The following ACOX2 variants were observed in gnomAD, a reference collection of about 807,000 sequenced individuals.
The protein encoded by ACOX2 is acyl-CoA oxidase 2.
In ACOX2, 59 loss-of-function variants were observed where a neutral mutation model predicts 77.5. That is an observed-to-expected ratio of 0.76 (90% CI 0.62 to 0.95). The LOEUF (loss-of-function observed/expected upper bound fraction) is 0.95. Ranked by LOEUF, ACOX2 falls within the 40% of genes least tolerant of loss-of-function variation. The probability of loss-of-function intolerance (pLI) is 0.00; values close to 1 mark genes in which losing one functional copy is unlikely to be tolerated. For missense variants in ACOX2, 837 were observed against 880.4 expected (o/e 0.95, Z 0.62); for synonymous variants, 317 against 340.1 (o/e 0.93, Z 0.75).
rs904203610 is a variant in ACOX2 at position 58,514,718 on chromosome 3, T to C, written c.1850+2488A>G. Among the ~76,000 whole-genome samples the C allele has an allele frequency of 2.6e-5, 4 of 152,208 alleles. No homozygotes were observed. Among genetic ancestry groups the C allele is most frequent in the African/African-American group, 9.7e-5 (4 of 41,448 alleles). On this transcript the variant is annotated intron_variant, in intron 13 of 14. Coordinates refer to ENST00000302819, the MANE Select transcript of ACOX2 (RefSeq NM_003500.4). This position sits in a 1 kb window ranked among gnomAD's most constrained non-coding sequence, Gnocchi z 4.3. ...TGTCTGTCTTGTCTTGAATTGTAAG[T>C]TTCTGGAGCCAAGGCAAGCACTTAG...
At position 58,535,152 on chromosome 3, in the gene ACOX2, C is replaced by T. The variant is rs376595956; in HGVS notation, c.-46G>A. 3.1e-5 allele frequency: 50 copies of T among 1,612,144 alleles called. No homozygotes were observed. Among genetic ancestry groups the T allele is most frequent in the East Asian group, 2.5e-4 (11 of 44,880 alleles). ...TGACTATGGAGAGACACTTCCAACC[C>T]GGCTGCTCCGAGGGTCTGCTCTCAG... On this transcript the variant is annotated 5_prime_UTR_variant, in exon 2 of 15. Coordinates refer to ENST00000302819, the MANE Select transcript of ACOX2 (RefSeq NM_003500.4). The surrounding 1 kb of genome is among the most constrained non-coding windows in gnomAD (Gnocchi z 4.8).
At chr3:58,530,731 C>T in intron 7 of ACOX2, 93 bp from the exon 8 acceptor site, 1 of 1,393,656 alleles carries the variant, frequency 7.2e-7, no homozygotes, top group Non-Finnish European at 9.8e-7. Context: ...ACATGGAGGG[C>T]ACCTCGCCCC....
chr3:58,534,345 T>C lies in ACOX2; in HGVS notation c.323+15A>G. On this transcript the variant is annotated intron_variant, in intron 3 of 14. Coordinates refer to ENST00000302819, the MANE Select transcript of ACOX2 (RefSeq NM_003500.4). The surrounding 1 kb of genome is among the most constrained non-coding windows in gnomAD (Gnocchi z 4.8). Reference sequence around the variant, plus strand: ...GTAGATCCCTCTCTAGTGGGGCTGCTCGAGGAGTGAGCACCTGTAAGCGTA... The same window carrying C: ...GTAGATCCCTCTCTAGTGGGGCTGCCCGAGGAGTGAGCACCTGTAAGCGTA... 1 of 1,613,938 alleles carries C rather than the reference T, an allele frequency of 6.2e-7. No individual in the cohort carries two copies. The highest frequency in any genetic ancestry group is 8.5e-7 in the Non-Finnish European group (1 of 1,179,888).
rs747061287 is a variant in ACOX2 at position 58,531,246 on chromosome 3, G to A, written c.819+5C>T. On this transcript the variant is annotated splice_donor_5th_base_variant and intron_variant, in intron 7 of 14. Coordinates refer to ENST00000302819, the MANE Select transcript of ACOX2 (RefSeq NM_003500.4). This position sits in a 1 kb window ranked among gnomAD's most constrained non-coding sequence, Gnocchi z 5.8. ...ACAAGTCCCCGGCCTCCCCAGATCT[G>A]TAACCTGTGCAAAGCGACTCAGCAT... 4.3e-6 allele frequency: 7 copies of A among 1,611,488 alleles called. No homozygotes were observed. The African/African-American group carries it at 6.7e-5, about 15-fold the overall frequency.
rs1305847137 is a variant in ACOX2, at chr3:58,528,331, GA to G, written c.1155+462del. On this transcript the variant is annotated intron_variant, in intron 9 of 14. Coordinates refer to ENST00000302819, the MANE Select transcript of ACOX2 (RefSeq NM_003500.4). This position sits in a 1 kb window ranked among gnomAD's most constrained non-coding sequence, Gnocchi z 5.6. The stretch of plus-strand genomic sequence containing the variant: ...GAATCAGAGTAACTTTTGGATTATA[GA>G]GAGGCCAAGTGGCATTTAAAGTGCA... 6.6e-6 allele frequency among the ~76,000 whole-genome samples: 1 copy of G among 152,212 alleles called. No individual in the cohort carries two copies. The highest frequency in any genetic ancestry group is 2.4e-5 in the African/African-American group (1 of 41,438).
chr3:58,533,714 G>A lies in ACOX2; in HGVS notation c.476-162C>T, dbSNP rs2063457401. 5 of 704,032 alleles carry A rather than the reference G, an allele frequency of 7.1e-6. No homozygotes were observed. Among genetic ancestry groups the A allele is most frequent in the Non-Finnish European group, 1.2e-5 (5 of 418,356 alleles). 43.6% of individuals were successfully genotyped at this position (704,032 alleles called of 1,614,324 possible). A position where few individuals can be genotyped will look rare whatever the true frequency, so the allele number is the denominator to read the frequency against. On this transcript the variant is annotated intron_variant, in intron 4 of 14. Coordinates refer to ENST00000302819, the MANE Select transcript of ACOX2 (RefSeq NM_003500.4). The surrounding 1 kb of genome is among the most constrained non-coding windows in gnomAD (Gnocchi z 5.6). ...AGTTCTCCCCTTTCATCTGTGGGCT[G>A]TGTGTGGGACACACAGTCCCCTATA...
rs950104499 is a variant in ACOX2, at chr3:58,515,284, G to A, written c.1850+1922C>T. Among the ~76,000 whole-genome samples, 3 of 152,202 alleles carry A rather than the reference G, an allele frequency of 2.0e-5. No homozygotes were observed. On this transcript the variant is annotated intron_variant, in intron 13 of 14. Transcript: ENST00000302819. This position sits in a 1 kb window ranked among gnomAD's most constrained non-coding sequence, Gnocchi z 4.0. Reference sequence around the variant, plus strand: ...GATCCACCCACCTTGGCCTCCCAAAGTGCTGGGATTGCAGGTATTAGCCAC... The same window carrying A: ...GATCCACCCACCTTGGCCTCCCAAAATGCTGGGATTGCAGGTATTAGCCAC...
At chr3:58,529,744 G>A (rs1176961560) in intron 8 of ACOX2, among the ~76,000 whole-genome samples, 1 of 152,212 alleles carries the variant, frequency 6.6e-6, no homozygotes, top group Non-Finnish European at 1.5e-5. Flanking sequence ...AGGACCCTGG[G>A]CTGAGGACTT....
intron 12 of ACOX2, among the ~76,000 whole-genome samples, chr3:58,520,969 C>T (rs1328268739): frequency 3.3e-5 from 5 of 152,210 alleles, no homozygotes; most frequent in South Asian, 2.1e-4. Flanking sequence ...TAATGTCAGT[C>T]TCCCTCCCAG....
chr3:58,512,336 A>T lies in ACOX2; in HGVS notation c.1851-3311T>A, dbSNP rs926872463. Among the ~76,000 whole-genome samples, 1 of 152,164 alleles carries T rather than the reference A, an allele frequency of 6.6e-6. No homozygotes were observed. The highest frequency in any genetic ancestry group is 1.5e-5 in the Non-Finnish European group (1 of 68,020). ...CACCTCCAGCACTGTCACTGCTCCA[A>T]TCCACTATCATCACTCACTTGGATG... On this transcript the variant is annotated intron_variant, in intron 13 of 14. Transcript: ENST00000302819. The surrounding 1 kb of genome is among the most constrained non-coding windows in gnomAD (Gnocchi z 4.8).
chr3:58,533,859 C>A lies in ACOX2; in HGVS notation c.475+135G>T. Reference sequence around the variant, plus strand: ...ACCCCTTCCTCAGGACCCTTGACTGCCAGCTGCTGGAATGTTTTCTTATTA... The same window carrying A: ...ACCCCTTCCTCAGGACCCTTGACTGACAGCTGCTGGAATGTTTTCTTATTA... On this transcript the variant is annotated intron_variant, in intron 4 of 14. Transcript: ENST00000302819. The surrounding 1 kb of genome is among the most constrained non-coding windows in gnomAD (Gnocchi z 5.6). 8.2e-7 allele frequency: 1 copy of A among 1,213,422 alleles called. No individual in the cohort carries two copies. The allele number at this position is 1,213,422 out of a possible 1,614,324, so 75.2% of individuals were successfully genotyped here.
chr3:58,531,109 T>C lies in ACOX2; in HGVS notation c.819+142A>G. The C allele has an allele frequency of 1.4e-6, 1 of 699,024 alleles. No individual in the cohort carries two copies. The highest frequency in any genetic ancestry group is 2.4e-6 in the Non-Finnish European group (1 of 414,200). The allele number at this position is 699,024 out of a possible 1,614,324, so 43.3% of individuals were successfully genotyped here. On this transcript the variant is annotated intron_variant, in intron 7 of 14. Transcript: ENST00000302819. The surrounding 1 kb of genome is among the most constrained non-coding windows in gnomAD (Gnocchi z 5.8). ...CTCCTAAGCAGGGGTTTCACCCCAA[T>C]CTGTGGGATATCAGAGCCTCTCTTG...
Position 58,526,130 on chromosome 3 carries a change from A to C in ACOX2, c.1346+336T>G, listed in dbSNP as rs2063392121. Among the ~76,000 whole-genome samples the C allele has an allele frequency of 6.6e-6, 1 of 152,072 alleles. No individual in the cohort carries two copies. The highest frequency in any genetic ancestry group is 2.1e-4 in the South Asian group (1 of 4,828). On this transcript the variant is annotated intron_variant, in intron 10 of 14. Transcript: ENST00000302819. The surrounding 1 kb of genome is among the most constrained non-coding windows in gnomAD (Gnocchi z 4.3). ...TGCAGGCCACAGCATAGAATATGTC[A>C]TTTTCCTATGAGCACTGGGAAGCCG...
At chr3:58,511,010 A>T (rs971969037) in intron 13 of ACOX2, 1 of 456,340 alleles carries the variant, frequency 2.2e-6, no homozygotes, top group African/African-American at 2.0e-5. Context: ...GACACTATCC[A>T]CCTTTCCCAT....
chr3:58,511,398 G>T, intron 13 of ACOX2: 1 of 294,780 alleles, frequency 3.4e-6, no homozygotes, highest in South Asian at 3.7e-5. Context: ...GAAGGACATT[G>T]ATGATGGCAC....
chr3:58,533,556 AG>A lies in ACOX2; in HGVS notation c.476-5del. The A allele has an allele frequency of 6.2e-7, 1 of 1,613,712 alleles. No homozygotes were observed. The highest frequency in any genetic ancestry group is 8.5e-7 in the Non-Finnish European group (1 of 1,179,728). On this transcript the variant is annotated splice_region_variant and splice_polypyrimidine_tract_variant and intron_variant, in intron 4 of 14. Transcript: ENST00000302819. This position sits in a 1 kb window ranked among gnomAD's most constrained non-coding sequence, Gnocchi z 5.6. The stretch of plus-strand genomic sequence containing the variant: ...TCCAGGCCCTGAAGATATGTCCCTT[AG>A]GATCAAGGAGAGGTGTTAGACATTG...
At chr3:58,513,243 C>T (rs2107990489) in intron 13 of ACOX2, among the ~76,000 whole-genome samples, 1 of 152,164 alleles carries the variant, frequency 6.6e-6, no homozygotes, top group East Asian at 1.9e-4. Flanking sequence ...TGCCTGTCTC[C>T]TCTCCTCTAG....
chr3:58,529,732 A>G (rs1450362166), intron 8 of ACOX2, among the ~76,000 whole-genome samples: 2 of 152,196 alleles, frequency 1.3e-5, no homozygotes, highest in Admixed American at 1.3e-4. Flanking sequence ...TTGCCAGAGG[A>G]AAGGACCCTG....
chr3:58,505,419 A>G lies in ACOX2; in HGVS notation c.1984-133T>C, dbSNP rs1246031273. ...TTCTTAATTTTAAAAATTATTTCTA[A>G]GACTCATTTTGTGTGAACATATGGA... On this transcript the variant is annotated intron_variant, in intron 14 of 14. Coordinates refer to ENST00000302819, the MANE Select transcript of ACOX2 (RefSeq NM_003500.4). The surrounding 1 kb of genome is among the most constrained non-coding windows in gnomAD (Gnocchi z 4.4). 1 of 720,366 alleles carries G rather than the reference A, an allele frequency of 1.4e-6. No homozygotes were observed. The highest frequency in any genetic ancestry group is 1.8e-5 in the African/African-American group (1 of 54,754). 44.6% of individuals were successfully genotyped at this position (720,366 alleles called of 1,614,324 possible).
Sources: gnomAD v4.1 joint callset for allele counts (sites outside exome capture counted in the v4.1 genomes callset) on GRCh38, gnomAD v4.1.1 for gene constraint, Gnocchi (gnomAD v3.1) non-coding constraint, MANE v1.5 for transcripts, NCBI Gene and HGNC (gene_info 2026-07-23, HGNC 2026-07-21) for gene names.